Variants in PRIM2 observed in about 807,000 individuals in gnomAD.
The protein encoded by PRIM2 is DNA primase subunit 2.
In PRIM2, 39 loss-of-function variants were observed where a neutral mutation model predicts 67.3. That is an observed-to-expected ratio of 0.58 (90% confidence interval 0.45 to 0.76). The LOEUF is 0.76. PRIM2 is among the 30% of genes least tolerant of loss of function. The pLI is 0.00. For missense variants in PRIM2, 398 were observed against 598.7 expected (o/e 0.66, Z 3.50); for synonymous variants, 143 against 198.7 (o/e 0.72, Z 2.36).
chr6:57,321,987 T>C (rs1211234505), intron 3 of PRIM2, among the ~76,000 whole-genome samples: 1 of 152,120 alleles, frequency 6.6e-6, no homozygotes, highest in Non-Finnish European at 1.5e-5. Flanking sequence ...ACAGTGTCCA[T>C]TGGATTTAGC....
At chr6:57,510,415 A>G (rs1774340142) in intron 8 of PRIM2, among the ~76,000 whole-genome samples, 1 of 152,178 alleles carries the variant, frequency 6.6e-6, no homozygotes, top group African/African-American at 2.4e-5. Flanking sequence ...TTAATCTCAC[A>G]GTTGATTCTG....
At chr6:57,222,384 G>T in the PRIM2 span, 1 of 152,494 alleles carries the variant, frequency 6.6e-6, no homozygotes, top group Non-Finnish European at 1.5e-5. Flanking sequence ...GTGGCTGGCG[G>T]CGGCTCAGCT....
At chr6:57,270,411 C>G in the PRIM2 span, among the ~76,000 whole-genome samples, 1 of 152,178 alleles carries the variant, frequency 6.6e-6, no homozygotes. Flanking sequence ...TGGGAGTTCA[C>G]TGATGATTTG....
intron 12 of PRIM2, among the ~76,000 whole-genome samples, chr6:57,611,722 G>T (rs1217885858): frequency 6.6e-6 from 1 of 152,118 alleles, no homozygotes; most frequent in East Asian, 1.9e-4. Flanking sequence ...CTTGGGTTTG[G>T]TGTGTTCCCT....
intron 5 of PRIM2, among the ~76,000 whole-genome samples, chr6:57,357,687 G>A (rs1359541527): frequency 3.3e-5 from 5 of 150,672 alleles, no homozygotes; most frequent in African/African-American, 1.2e-4. Flanking sequence ...TCTGCCTTCT[G>A]TATGTTCAAG....
intron 8 of PRIM2, among the ~76,000 whole-genome samples, chr6:57,530,010 C>T (rs1267423750): frequency 6.6e-6 from 1 of 151,854 alleles, no homozygotes; most frequent in Non-Finnish European, 1.5e-5. Context: ...GTCTCTCTTC[C>T]TCATTTTGTA....
At chr6:57,223,347 G>T in the PRIM2 span, among the ~76,000 whole-genome samples, 12 of 152,198 alleles carry the variant, frequency 7.9e-5, no homozygotes, top group Non-Finnish European at 1.3e-4. Context: ...GCAACTGGAA[G>T]AGGGGCTTCC....
intron 10 of PRIM2, among the ~76,000 whole-genome samples, chr6:57,570,097 GAATTGT>G (rs1426126369): frequency 6.6e-5 from 10 of 152,104 alleles, no homozygotes; most frequent in Non-Finnish European, 1.5e-4. Flanking sequence ...ATGTGAAAGT[GAATTGT>G]ATGTACATCA....
chr6:57,646,379 A>C lies in PRIM2; in HGVS notation c.*221A>C, dbSNP rs1777335349. The C allele has an allele frequency of 2.0e-6, 1 of 494,616 alleles. No individual in the cohort carries two copies. Among genetic ancestry groups the C allele is most frequent in the Admixed American group, 3.6e-5 (1 of 27,640 alleles). The allele number at this position is 494,616 out of a possible 1,614,324, so 30.6% of individuals were successfully genotyped here. ...ACCTCATATCCAGATAATTTTTTTC[A>C]ATTTTTTTTTGTAGAGGTGGGGGGT... On this transcript the variant is annotated 3_prime_UTR_variant, in exon 14 of 14. Transcript: ENST00000615550.
chr6:57,464,949 T>C, intron 7 of PRIM2, among the ~76,000 whole-genome samples: 1 of 152,204 alleles, frequency 6.6e-6, no homozygotes, highest in East Asian at 1.9e-4. Context: ...AATAAATGGC[T>C]TATTAACTCA....
At chr6:57,435,564 G>T (rs1441948122) in intron 7 of PRIM2, among the ~76,000 whole-genome samples, 1 of 152,152 alleles carries the variant, frequency 6.6e-6, no homozygotes, top group Non-Finnish European at 1.5e-5. Context: ...TGAAATATGG[G>T]CTTCTGCTCC....
chr6:57,395,311 A>G (rs544394874), intron 7 of PRIM2, among the ~76,000 whole-genome samples: 4 of 152,118 alleles, frequency 2.6e-5, no homozygotes, highest in African/African-American at 9.6e-5. Flanking sequence ...GTTGTTGGTA[A>G]TTTTTAAATT....
At chr6:57,266,654 C>T in the PRIM2 span, among the ~76,000 whole-genome samples, 1 of 152,136 alleles carries the variant, frequency 6.6e-6, no homozygotes, top group Non-Finnish European at 1.5e-5. Flanking sequence ...TATCTGATTA[C>T]CTGTCCTGAT....
chr6:57,455,349 TTCTGTCTCGTTGA>T (rs1772727503), intron 7 of PRIM2, among the ~76,000 whole-genome samples: 1 of 150,886 alleles, frequency 6.6e-6, no homozygotes, highest in African/African-American at 2.4e-5. Context: ...CTTGTTAACT[TTCTGTCTCGTTGA>T]TCTGTCTAAT....
intron 5 of PRIM2, among the ~76,000 whole-genome samples, chr6:57,328,307 T>G (rs1208826589): frequency 6.6e-5 from 10 of 152,314 alleles, no homozygotes; most frequent in Admixed American, 6.5e-4. Context: ...TTTTAGAACA[T>G]TTTCACCTAA....
intron 12 of PRIM2, among the ~76,000 whole-genome samples, chr6:57,630,340 C>T (rs1362397809): frequency 2.0e-4 from 30 of 152,100 alleles, no homozygotes; most frequent in Admixed American, 1.4e-3. Context: ...GCCCTCTCTG[C>T]GAGTGGGGTC....
At chr6:57,222,544 C>T in the PRIM2 span, among the ~76,000 whole-genome samples, 1 of 152,238 alleles carries the variant, frequency 6.6e-6, no homozygotes. Flanking sequence ...CCAGTGTCCT[C>T]AAAGGGCTTG....
chr6:57,254,126 G>A, the PRIM2 span, among the ~76,000 whole-genome samples: 2 of 152,174 alleles, frequency 1.3e-5, no homozygotes, highest in South Asian at 4.1e-4. Context: ...TTGGGGTAGA[G>A]CCTAGAATTT....
chr6:57,544,367 G>A (rs1775243186), intron 10 of PRIM2, among the ~76,000 whole-genome samples: 1 of 152,166 alleles, frequency 6.6e-6, no homozygotes, highest in Admixed American at 6.5e-5. Context: ...GATGTTATTT[G>A]TGGTTTATGG....
Sources: allele counts gnomAD v4.1 joint callset (sites outside exome capture counted in the v4.1 genomes callset), GRCh38; gene constraint gnomAD v4.1.1; transcripts MANE v1.5; gene names NCBI Gene and HGNC (gene_info 2026-07-23, HGNC 2026-07-21).